SPECC1L: variants seen among roughly 807,000 people sequenced by gnomAD.
SPECC1L encodes sperm antigen with calponin homology and coiled-coil domains 1 like.
In SPECC1L, 40 loss-of-function variants were observed where a neutral mutation model predicts 116.8. The observed-to-expected ratio is 0.34, with a 90% CI of 0.27 to 0.45. SPECC1L has a LOEUF of 0.45. SPECC1L is among the 20% of genes least tolerant of loss of function. The pLI, the probability that SPECC1L is intolerant of heterozygous loss-of-function variation, is 1.00. For synonymous variants in SPECC1L, 504 were observed against 500.6 expected, an observed-to-expected ratio of 1.01 and a Z score of -0.09; for missense variants, 1,110 against 1,373.6, an observed-to-expected ratio of 0.81 and a Z score of 3.03.
At chr22:24,281,161 G>A (rs2048935983) in intron 2 of SPECC1L, among the ~76,000 whole-genome samples, 1 of 152,140 alleles carries the variant, frequency 6.6e-6, no homozygotes, top group Admixed American at 6.5e-5. Flanking sequence ...ATGTGTTCCT[G>A]GAAGCATCTG....
rs536433132 is a variant in SPECC1L, at chr22:24,396,454, C to T, written c.3088-15134C>T. Among the ~76,000 whole-genome samples, 11 of 152,124 alleles carry T rather than the reference C, an allele frequency of 7.2e-5. No homozygotes were observed. The East Asian group carries it at 1.7e-3, about 24-fold the overall frequency. On this transcript the variant is annotated intron_variant, in intron 14 of 16. Coordinates refer to ENST00000314328, the MANE Select transcript of SPECC1L (RefSeq NM_015330.6). ...CTGGGATTACAGGCGTCTGCCACCA[C>T]GCCCAGCTAATTTTTGTATTTTTAG...
chr22:24,397,031 A>G (rs1021452240), intron 14 of SPECC1L, among the ~76,000 whole-genome samples: 9 of 152,200 alleles, frequency 5.9e-5, no homozygotes, highest in Admixed American at 5.2e-4. Flanking sequence ...GGTCCAAAGT[A>G]AAGTGTTTTA....
intron 2 of SPECC1L, among the ~76,000 whole-genome samples, chr22:24,278,634 G>A (rs1372533707): frequency 6.6e-6 from 1 of 152,186 alleles, no homozygotes; most frequent in South Asian, 2.1e-4. Flanking sequence ...GGAGGGGGTG[G>A]AGGGAGGTAA....
chr22:24,415,833 G>C lies in SPECC1L; in HGVS notation c.*1210G>C, dbSNP rs1350849970. 1.3e-5 allele frequency: 2 copies of C among 152,114 alleles called. No individual in the cohort carries two copies. Among genetic ancestry groups the C allele is most frequent in the African/African-American group, 4.8e-5 (2 of 41,436 alleles). 9.4% of individuals were successfully genotyped at this position (152,114 alleles called of 1,614,324 possible). A position where few individuals can be genotyped will look rare whatever the true frequency, so the allele number is the denominator to read the frequency against. On this transcript the variant is annotated 3_prime_UTR_variant, in exon 17 of 17. Transcript: ENST00000314328. ...CTGGGTCCATGCTGTTTGAACCAAA[G>C]CCTTATTTAAAGGTGGTCACTGGAG...
At chr22:24,313,263 C>G (rs1156754881) in intron 3 of SPECC1L, 50 bp from the exon 4 acceptor site, 1 of 1,599,736 alleles carries the variant, frequency 6.3e-7, no homozygotes, top group South Asian at 1.1e-5. Flanking sequence ...CTCAAAATAT[C>G]TAATCTTGCT....
chr22:24,388,930 A>T (rs1311037518), intron 14 of SPECC1L, among the ~76,000 whole-genome samples: 8 of 152,134 alleles, frequency 5.3e-5, no homozygotes, highest in Non-Finnish European at 8.8e-5. Context: ...CATCACAATG[A>T]ATTTTAGAAT....
intron 14 of SPECC1L, among the ~76,000 whole-genome samples, chr22:24,373,672 C>G (rs1304802824): frequency 1.3e-5 from 2 of 152,120 alleles, no homozygotes; most frequent in Admixed American, 1.3e-4. Context: ...CATAAAAACC[C>G]TAGAAGAAAA....
chr22:24,411,812 G>A lies in SPECC1L; in HGVS notation c.3204+108G>A, dbSNP rs185714532. 1.1e-3 allele frequency: 984 copies of A among 919,368 alleles called. 1 individual carries two copies. Among genetic ancestry groups the A allele is most frequent in the Admixed American group, 2.3e-3 (134 of 58,314 alleles). 57.0% of individuals were successfully genotyped at this position (919,368 alleles called of 1,614,324 possible). A position where few individuals can be genotyped will look rare whatever the true frequency, so the allele number is the denominator to read the frequency against. ...GTCACATGCCACAGCGCTGGCTTGC[G>A]ATTGCCTCGTGCCATCTGGGTCTTC... On this transcript the variant is annotated intron_variant, in intron 15 of 16. Transcript: ENST00000314328.
rs1236918660 is a variant in SPECC1L at position 24,416,497 on chromosome 22, G to A, written c.*1874G>A. Reference sequence around the variant, plus strand: ...CACTGATGTTCATGTGAGAATTACTGTTTTTAAGTGTCTCTCCACTTAGGT... The same window carrying A: ...CACTGATGTTCATGTGAGAATTACTATTTTTAAGTGTCTCTCCACTTAGGT... On this transcript the variant is annotated 3_prime_UTR_variant, in exon 17 of 17. Transcript: ENST00000314328. 1 of 152,270 alleles carries A rather than the reference G, an allele frequency of 6.6e-6. No homozygotes were observed. The highest frequency in any genetic ancestry group is 1.9e-4 in the East Asian group (1 of 5,198). 9.4% of individuals were successfully genotyped at this position (152,270 alleles called of 1,614,324 possible). A position where few individuals can be genotyped will look rare whatever the true frequency, so the allele number is the denominator to read the frequency against.
intron 14 of SPECC1L, among the ~76,000 whole-genome samples, chr22:24,408,832 G>T (rs2042640631): frequency 6.6e-6 from 1 of 152,246 alleles, no homozygotes; most frequent in Non-Finnish European, 1.5e-5. Context: ...AATACATTCT[G>T]ATGATGCAGG....
chr22:24,302,201 T>C lies in SPECC1L; in HGVS notation c.-31T>C, dbSNP rs1442787106. The C allele has an allele frequency of 6.2e-7, 1 of 1,613,526 alleles. No individual in the cohort carries two copies. Among genetic ancestry groups the C allele is most frequent in the Admixed American group, 1.7e-5 (1 of 59,940 alleles). Reference sequence around the variant, plus strand: ...TGCCATTTTTTTCCCACAGATTTGCTTGTAAATGCATCACGAAGAGGCAGC... The same window carrying C: ...TGCCATTTTTTTCCCACAGATTTGCCTGTAAATGCATCACGAAGAGGCAGC... On this transcript the variant is annotated 5_prime_UTR_variant, in exon 3 of 17. Transcript: ENST00000314328.
At chr22:24,411,565 A>G (rs1365021661) in intron 14 of SPECC1L, 23 bp from the exon 15 acceptor site, 2 of 1,603,804 alleles carry the variant, frequency 1.2e-6, no homozygotes, top group East Asian at 2.2e-5. Flanking sequence ...TGTTGGTTAC[A>G]TGTTTTTCTT....
chr22:24,302,358 C>G lies in SPECC1L; in HGVS notation c.127C>G (p.Pro43Ala). The G allele has an allele frequency of 6.2e-7, 1 of 1,614,118 alleles. No individual in the cohort carries two copies. Among genetic ancestry groups the G allele is most frequent in the Non-Finnish European group, 8.5e-7 (1 of 1,180,016 alleles). Residue 43 changes from proline to alanine, a missense_variant, in exon 3 of 17, where the codon CCT becomes GCT. Pro to Ala is a conservative substitution (Grantham distance 27). Coordinates refer to ENST00000314328, the MANE Select transcript of SPECC1L (RefSeq NM_015330.6). ...SASTGGKLVK[P>A]GTAASLSKTK... ...ATCTACGGGAGGCAAACTTGTAAAA[C>G]CTGGAACAGCAGCATCATTGTCAAA...
intron 14 of SPECC1L, among the ~76,000 whole-genome samples, chr22:24,399,596 G>A (rs900078835): frequency 1.3e-5 from 2 of 152,000 alleles, no homozygotes; most frequent in African/African-American, 2.4e-5. Context: ...AAAAGTTAAA[G>A]CATATTAAAT....
At chr22:24,287,758 T>C (rs12157294) in intron 2 of SPECC1L, among the ~76,000 whole-genome samples, 2 of 152,160 alleles carry the variant, frequency 1.3e-5, no homozygotes, top group Non-Finnish European at 2.9e-5. Flanking sequence ...CCACTTCTTA[T>C]GATGTAAAGG....
chr22:24,383,877 T>G (rs1271460810), intron 14 of SPECC1L, among the ~76,000 whole-genome samples: 1 of 137,784 alleles, frequency 7.3e-6, no homozygotes, highest in Non-Finnish European at 1.5e-5. Context: ...GGTCTCGAAC[T>G]CCAGACCTCA....
intron 14 of SPECC1L, among the ~76,000 whole-genome samples, chr22:24,399,156 C>A (rs1416398525): frequency 1.3e-5 from 2 of 152,202 alleles, no homozygotes; most frequent in Admixed American, 1.3e-4. Context: ...GTGTGCTTCT[C>A]CATGAAACGT....
At chr22:24,381,856 T>G (rs1001391214) in intron 14 of SPECC1L, among the ~76,000 whole-genome samples, 1 of 152,036 alleles carries the variant, frequency 6.6e-6, no homozygotes, top group South Asian at 2.1e-4. Flanking sequence ...TGCACTCCAG[T>G]CTGGGCGACA....
At chr22:24,385,444 CATG>C (rs1247223483) in intron 14 of SPECC1L, among the ~76,000 whole-genome samples, 1 of 152,094 alleles carries the variant, frequency 6.6e-6, no homozygotes, top group Non-Finnish European at 1.5e-5. Context: ...TAGACTCAAC[CATG>C]ATTTGTGTAT....
Sources: allele counts gnomAD v4.1 joint callset (sites outside exome capture counted in the v4.1 genomes callset), GRCh38; gene constraint gnomAD v4.1.1; transcripts MANE v1.5; gene names NCBI Gene and HGNC (gene_info 2026-07-23, HGNC 2026-07-21).